Variants in PRKCE observed in about 807,000 individuals in gnomAD.
PRKCE encodes the protein protein kinase C epsilon type.
In PRKCE, 16 loss-of-function variants were observed where a neutral mutation model predicts 85.4. The ratio of observed to expected loss-of-function variants is 0.19; its 90% CI spans 0.13 to 0.28. The LOEUF is 0.28. PRKCE is among the 10% of genes least tolerant of loss of function. PRKCE has a pLI of 1.00. For missense variants in PRKCE, 573 were observed against 975.2 expected, an observed-to-expected ratio of 0.59 and a Z score of 5.49; for synonymous variants, 388 against 371.5, an observed-to-expected ratio of 1.04 and a Z score of -0.51.
At chr2:45,841,042 T>G (rs758122473) in intron 1 of PRKCE, among the ~76,000 whole-genome samples, 1 of 152,142 alleles carries the variant, frequency 6.6e-6, no homozygotes, top group Non-Finnish European at 1.5e-5. Context: ...TGCTGGGTGT[T>G]TCCTAAGAGA....
intron 1 of PRKCE, among the ~76,000 whole-genome samples, chr2:45,837,344 C>T (rs1690965151): frequency 6.6e-6 from 1 of 152,176 alleles, no homozygotes; most frequent in Admixed American, 6.5e-5. Flanking sequence ...GCAGCCTCCG[C>T]CTCCCAGGTT....
intron 10 of PRKCE, among the ~76,000 whole-genome samples, chr2:46,061,104 CTTTTTTTT>C (rs565280374): frequency 9.7e-6 from 1 of 103,494 alleles, no homozygotes; most frequent in African/African-American, 4.0e-5. Flanking sequence ...CTTTTTTTTC[CTTTTTTTT>C]TTTTTTTTTT....
chr2:45,944,175 A>G (rs773781655), intron 2 of PRKCE, among the ~76,000 whole-genome samples: 1 of 152,082 alleles, frequency 6.6e-6, no homozygotes, highest in Admixed American at 6.5e-5. Context: ...TTCGTTGGTG[A>G]CTCATTTCTT....
chr2:46,089,917 C>G lies in PRKCE; in HGVS notation c.1592+3555C>G, dbSNP rs948834348. On this transcript the variant is annotated intron_variant, in intron 11 of 14. Transcript: ENST00000306156. Reference sequence around the variant, plus strand: ...TCTCTGAGACTTTGCCCCCATTGTCCCTAGGATTCCCTTGCTCCTAATCTG... The same window carrying G: ...TCTCTGAGACTTTGCCCCCATTGTCGCTAGGATTCCCTTGCTCCTAATCTG... Among the ~76,000 whole-genome samples the G allele has an allele frequency of 2.0e-5, 3 of 152,106 alleles. No homozygotes were observed. In the East Asian group the frequency reaches 5.8e-4, roughly 29 times the overall value.
intron 2 of PRKCE, among the ~76,000 whole-genome samples, chr2:45,950,866 G>A (rs1431351142): frequency 6.6e-6 from 1 of 152,050 alleles, no homozygotes; most frequent in Non-Finnish European, 1.5e-5. Context: ...TTTCCTAGAG[G>A]ACCTCTCAGA....
At chr2:46,120,181 C>G (rs911346014) in intron 11 of PRKCE, among the ~76,000 whole-genome samples, 1 of 152,244 alleles carries the variant, frequency 6.6e-6, no homozygotes, top group Admixed American at 6.5e-5. Flanking sequence ...TTCAGACACT[C>G]ATCAACCATA....
chr2:45,866,060 C>A (rs1055718348), intron 2 of PRKCE, among the ~76,000 whole-genome samples: 4 of 151,900 alleles, frequency 2.6e-5, no homozygotes, highest in Admixed American at 6.6e-5. Flanking sequence ...GGTTGAGAGA[C>A]CCTCTCTCCT....
intron 1 of PRKCE, among the ~76,000 whole-genome samples, chr2:45,781,804 C>A (rs918777341): frequency 2.0e-5 from 3 of 152,154 alleles, no homozygotes; most frequent in South Asian, 2.1e-4. Flanking sequence ...GTCTAGGACA[C>A]CACAGTGCGG....
At chr2:45,917,790 T>C (rs11886714) in intron 2 of PRKCE, among the ~76,000 whole-genome samples, 3,178 of 152,242 alleles carry the variant, frequency 0.021, 128 homozygotes, top group African/African-American at 0.073. Context: ...TCAGGCATGG[T>C]GGGCTGCAGG....
intron 10 of PRKCE, among the ~76,000 whole-genome samples, chr2:46,050,171 T>A (rs772277751): frequency 3.3e-5 from 5 of 152,334 alleles, no homozygotes; most frequent in South Asian, 4.1e-4. Flanking sequence ...TTCCCTGAAA[T>A]CACATTTACC....
At chr2:45,919,137 C>T (rs1271160892) in intron 2 of PRKCE, among the ~76,000 whole-genome samples, 3 of 152,124 alleles carry the variant, frequency 2.0e-5, no homozygotes, top group South Asian at 4.1e-4. Context: ...GAAAACAAGA[C>T]ATCAGGGGTA....
intron 2 of PRKCE, among the ~76,000 whole-genome samples, chr2:45,914,174 G>T (rs995976485): frequency 1.1e-4 from 16 of 152,228 alleles, no homozygotes; most frequent in Admixed American, 9.2e-4. Flanking sequence ...TAGGTGCTAT[G>T]AAGGCATTAA....
At chr2:45,978,247 C>T (rs553342145) in intron 3 of PRKCE, 1 of 152,390 alleles carries the variant, frequency 6.6e-6, no homozygotes, top group East Asian at 1.9e-4. Context: ...TGGGCAAAGG[C>T]CACTGAGCTC....
chr2:46,178,550 A>T (rs1679661266), intron 14 of PRKCE, among the ~76,000 whole-genome samples: 1 of 152,238 alleles, frequency 6.6e-6, no homozygotes, highest in African/African-American at 2.4e-5. Flanking sequence ...GTGTAAACAT[A>T]TACACATATA....
At chr2:45,912,680 G>A (rs534264610) in intron 2 of PRKCE, among the ~76,000 whole-genome samples, 23 of 152,260 alleles carry the variant, frequency 1.5e-4, no homozygotes, top group African/African-American at 5.1e-4. Context: ...CCTTAGAAGC[G>A]CATCTCACCG....
intron 10 of PRKCE, among the ~76,000 whole-genome samples, chr2:46,039,627 G>T (rs960709831): frequency 8.5e-5 from 13 of 152,064 alleles, no homozygotes; most frequent in African/African-American, 2.4e-4. Context: ...TGCTCCCAGG[G>T]TCTAAGTTAG....
intron 2 of PRKCE, among the ~76,000 whole-genome samples, chr2:45,971,506 A>G (rs759500162): frequency 2.6e-5 from 4 of 152,154 alleles, no homozygotes; most frequent in Admixed American, 6.5e-5. Flanking sequence ...CTCACACTTC[A>G]TAAAAGTATC....
At chr2:45,985,990 T>G (rs1212434809) in intron 6 of PRKCE, among the ~76,000 whole-genome samples, 2 of 152,112 alleles carry the variant, frequency 1.3e-5, no homozygotes, top group Non-Finnish European at 2.9e-5. Flanking sequence ...ACATTGAGTA[T>G]GAAGAGAAAA....
chr2:45,928,354 G>A (rs1220873613), intron 2 of PRKCE, among the ~76,000 whole-genome samples: 1 of 152,192 alleles, frequency 6.6e-6, no homozygotes, highest in East Asian at 1.9e-4. Context: ...TGCAACCTCC[G>A]CCTCGCGGGT....
Sources: gnomAD v4.1 joint callset for allele counts (sites outside exome capture counted in the v4.1 genomes callset) on GRCh38, gnomAD v4.1.1 for gene constraint, MANE v1.5 for transcripts, NCBI Gene and HGNC (gene_info 2026-07-23, HGNC 2026-07-21) for gene names.